The following ZNF420 variants were observed in gnomAD, a reference collection of about 807,000 sequenced individuals.
ZNF420 encodes zinc finger protein 420.
In ZNF420, 31 loss-of-function variants were observed where a neutral mutation model predicts 44.7. That is an observed-to-expected ratio of 0.69 (90% CI 0.52 to 0.94). The LOEUF is 0.94. Ranked by LOEUF, ZNF420 falls within the 40% of genes least tolerant of loss-of-function variation. The pLI, the probability that ZNF420 is intolerant of heterozygous loss-of-function variation, is 0.00. For missense variants in ZNF420, 681 were observed against 827.9 expected (o/e 0.82, Z 2.18); for synonymous variants, 245 against 267.4 (o/e 0.92, Z 0.82).
chr19:37,008,963 A>C (rs1224553690), intron 1 of ZNF420, among the ~76,000 whole-genome samples: 1 of 152,076 alleles, frequency 6.6e-6, no homozygotes. Context: ...AAGATCCTGG[A>C]GCTCTGGGCA....
At chr19:37,109,442 G>A (rs1292846168) in intron 4 of ZNF420, 1 of 152,234 alleles carries the variant, frequency 6.6e-6, no homozygotes, top group Non-Finnish European at 1.5e-5. Flanking sequence ...TGGAGTTTGT[G>A]TCACCTTTGT....
intron 4 of ZNF420, among the ~76,000 whole-genome samples, chr19:37,101,030 A>G (rs1969747307): frequency 7.6e-6 from 1 of 132,030 alleles, no homozygotes. Context: ...TATAAATGGG[A>G]TTGATTTCCT....
intron 4 of ZNF420, among the ~76,000 whole-genome samples, chr19:37,124,080 TTTCA>T (rs1332261792): frequency 6.6e-6 from 1 of 152,198 alleles, no homozygotes; most frequent in Non-Finnish European, 1.5e-5. Context: ...TGCTTTCTTC[TTTCA>T]TTGTCAACCT....
intron 1 of ZNF420, among the ~76,000 whole-genome samples, chr19:37,051,875 CCA>C (rs1967645881): frequency 6.6e-6 from 1 of 152,138 alleles, no homozygotes; most frequent in African/African-American, 2.4e-5. Flanking sequence ...AAATTTCCCT[CCA>C]CACACTGCTT....
At chr19:37,070,717 T>C (rs1225526981) in intron 1 of ZNF420, among the ~76,000 whole-genome samples, 1 of 152,204 alleles carries the variant, frequency 6.6e-6, no homozygotes, top group East Asian at 1.9e-4. Flanking sequence ...CATATACATC[T>C]ACCAGAATCA....
At chr19:37,125,582 A>G (rs942467704) in intron 4 of ZNF420, among the ~76,000 whole-genome samples, 4 of 152,112 alleles carry the variant, frequency 2.6e-5, no homozygotes, top group African/African-American at 9.7e-5. Context: ...TGGATACATG[A>G]TTTGTGTCCT....
At chr19:37,103,822 T>C (rs1260594775) in intron 4 of ZNF420, among the ~76,000 whole-genome samples, 1 of 152,160 alleles carries the variant, frequency 6.6e-6, no homozygotes, top group Non-Finnish European at 1.5e-5. Flanking sequence ...AAACATGCCT[T>C]AATTTCTTCT....
chr19:37,069,911 A>C (rs1968029112), intron 1 of ZNF420, among the ~76,000 whole-genome samples: 1 of 152,148 alleles, frequency 6.6e-6, no homozygotes, highest in Non-Finnish European at 1.5e-5. Flanking sequence ...AATAAATCCA[A>C]GGAAAGTGAA....
chr19:37,113,867 A>G (rs1272739908), intron 4 of ZNF420, among the ~76,000 whole-genome samples: 1 of 151,196 alleles, frequency 6.6e-6, no homozygotes, highest in Non-Finnish European at 1.5e-5. Flanking sequence ...AGTCTTCACC[A>G]AGTCTTAAAT....
chr19:37,020,130 TC>T (rs1363001760), intron 1 of ZNF420, among the ~76,000 whole-genome samples: 1 of 149,714 alleles, frequency 6.7e-6, no homozygotes, highest in Non-Finnish European at 1.5e-5. Flanking sequence ...GGCAGAAGAA[TC>T]GTTTGAACCC....
chr19:37,083,138 C>T (rs112793960), intron 2 of ZNF420, among the ~76,000 whole-genome samples: 1,994 of 150,720 alleles, frequency 0.013, 47 homozygotes, highest in African/African-American at 0.045. Flanking sequence ...GGATTACAGG[C>T]GTGAGCCACC....
intron 4 of ZNF420, among the ~76,000 whole-genome samples, chr19:37,093,961 C>T (rs182531778): frequency 1.4e-4 from 22 of 152,172 alleles, no homozygotes; most frequent in African/African-American, 4.8e-4. Context: ...TACTAAAAGC[C>T]ACTGAATTGT....
At chr19:37,064,875 G>A (rs746813416) in intron 1 of ZNF420, among the ~76,000 whole-genome samples, 7 of 152,174 alleles carry the variant, frequency 4.6e-5, no homozygotes, top group Non-Finnish European at 8.8e-5. Context: ...AAAGTCCGGC[G>A]GAGTCAAAGG....
At chr19:37,066,016 A>G (rs1967961123) in intron 1 of ZNF420, among the ~76,000 whole-genome samples, 2 of 152,264 alleles carry the variant, frequency 1.3e-5, no homozygotes, top group South Asian at 4.1e-4. Context: ...ATATGTAAAC[A>G]TATTTCCAAC....
chr19:37,012,046 A>G (rs1266122288), intron 1 of ZNF420, among the ~76,000 whole-genome samples: 2 of 152,120 alleles, frequency 1.3e-5, no homozygotes, highest in Non-Finnish European at 2.9e-5. Context: ...AGATGAGGTG[A>G]GCTCATCCCT....
At chr19:37,104,163 T>C (rs7253730) in intron 4 of ZNF420, among the ~76,000 whole-genome samples, 1 of 136,346 alleles carries the variant, frequency 7.3e-6, no homozygotes, top group Non-Finnish European at 1.6e-5. Context: ...ACAGGCTCCA[T>C]TGTGTGATGT....
chr19:37,096,902 C>CTTTT (rs1320093092), intron 4 of ZNF420, among the ~76,000 whole-genome samples: 1 of 142,048 alleles, frequency 7.0e-6, no homozygotes, highest in Admixed American at 7.1e-5. Context: ...TTTTCTTATT[C>CTTTT]TTTTTTTTTT....
Position 37,128,255 on chromosome 19 carries a change from A to C in ZNF420, c.1264A>C (p.Lys422Gln). ...CACTGGTGAGAAACCCTATCAATGT[A>C]AGGAATGTGGAAAAGCGTTTAATCG... ...IHTGEKPYQC[K>Q]ECGKAFNRGS... The change falls in exon 5 of 5, where the codon AAG becomes CAG. Residue 422 changes from lysine to glutamine, a missense_variant. Coordinates refer to ENST00000337995, the MANE Select transcript of ZNF420 (RefSeq NM_144689.5). 1 of 1,614,058 alleles carries C rather than the reference A, an allele frequency of 6.2e-7. No homozygotes were observed. The highest frequency in any genetic ancestry group is 8.5e-7 in the Non-Finnish European group (1 of 1,179,962).
In ZNF420 at chr19:37,128,444, A is replaced by G. The variant is rs770111014; in HGVS notation, c.1453A>G (p.Ile485Val). The stretch of plus-strand genomic sequence containing the variant: ...ATGTAAGGAATGTGGGAAATCTTTT[A>G]TTCGTGGTTCCCAGCTTACTCAACA... ...YECKECGKSF[I>V]RGSQLTQHQR... Residue 485 changes from isoleucine to valine, a missense_variant, in exon 5 of 5, where the codon ATT becomes GTT. This residue lies in a region of ZNF420 where 280 missense variants were observed against 338.6 expected (regional missense o/e 0.83). Coordinates refer to ENST00000337995, the MANE Select transcript of ZNF420 (RefSeq NM_144689.5). 6.2e-7 allele frequency: 1 copy of G among 1,614,102 alleles called. No homozygotes were observed. Among genetic ancestry groups the G allele is most frequent in the Non-Finnish European group, 8.5e-7 (1 of 1,179,970 alleles).
Sources: allele counts gnomAD v4.1 joint callset (sites outside exome capture counted in the v4.1 genomes callset), GRCh38; gene constraint gnomAD v4.1.1; regional missense constraint gnomAD v4.1.1; transcripts MANE v1.5; gene names NCBI Gene and HGNC (gene_info 2026-07-23, HGNC 2026-07-21).